Variants in ST6GAL1 observed in about 807,000 individuals in gnomAD.
The protein encoded by ST6GAL1 is beta-galactoside alpha-2,6-sialyltransferase 1.
Under a neutral mutation model 38.0 loss-of-function variants are expected in ST6GAL1, and 20 were observed. The ratio of observed to expected loss-of-function variants is 0.53; its 90% CI spans 0.37 to 0.77. The LOEUF (loss-of-function observed/expected upper bound fraction) is 0.77. Among genes scored for constraint, ST6GAL1 ranks in the 30% least tolerant of loss-of-function variants. ST6GAL1 has a pLI of 0.00. For synonymous variants in ST6GAL1, 196 were observed against 188.2 expected, an observed-to-expected ratio of 1.04 and a Z score of -0.34; for missense variants, 432 against 496.4, an observed-to-expected ratio of 0.87 and a Z score of 1.23.
chr3:187,072,619 C>T, intron 5 of ST6GAL1: 1 of 481,066 alleles, frequency 2.1e-6, no homozygotes, highest in Non-Finnish European at 3.9e-6. Context: ...CTGGATGGAA[C>T]CCTTTCTATT....
At position 187,042,926 on chromosome 3, in the gene ST6GAL1, C is replaced by T. The variant is rs151284888; in HGVS notation, c.223C>T (p.Arg75Cys). The T allele has an allele frequency of 3.0e-5, 49 of 1,614,174 alleles. No homozygotes were observed. Among genetic ancestry groups the T allele is most frequent in the Middle Eastern group, 1.6e-4 (1 of 6,062 alleles). Residue 75 changes from arginine to cysteine, a missense_variant, in exon 4 of 8, where the codon CGC (arginine) becomes TGC (cysteine). Coordinates refer to ENST00000169298, the MANE Select transcript of ST6GAL1 (RefSeq NM_173216.2). The part of the protein sequence containing the change: ...SSSTQDPHRG[R>C]QTLGSLRGLA... ...CAGCACCCAGGACCCCCACAGGGGCCGCCAGACCCTCGGCAGTCTCAGAGG... is the reference window on the plus strand; with the variant it reads ...CAGCACCCAGGACCCCCACAGGGGCTGCCAGACCCTCGGCAGTCTCAGAGG...
intron 2 of ST6GAL1, among the ~76,000 whole-genome samples, chr3:187,026,347 T>A (rs1416552707): frequency 6.6e-6 from 1 of 152,198 alleles, no homozygotes; most frequent in Non-Finnish European, 1.5e-5. Context: ...AAGCACATGG[T>A]GATAACAGTG....
intron 1 of ST6GAL1, among the ~76,000 whole-genome samples, chr3:186,956,583 C>T (rs1236652886): frequency 1.3e-5 from 2 of 152,226 alleles, no homozygotes; most frequent in Non-Finnish European, 2.9e-5. Context: ...TTCTGTCACA[C>T]AGTGCTGGAT....
intron 2 of ST6GAL1, among the ~76,000 whole-genome samples, chr3:187,029,251 A>G (rs913278440): frequency 6.6e-6 from 1 of 152,164 alleles, no homozygotes; most frequent in Non-Finnish European, 1.5e-5. Flanking sequence ...TAAGAGCAGC[A>G]GCGTGTCTAT....
At chr3:187,009,001 G>T (rs1716871776) in intron 2 of ST6GAL1, among the ~76,000 whole-genome samples, 1 of 151,826 alleles carries the variant, frequency 6.6e-6, no homozygotes, top group African/African-American at 2.4e-5. Flanking sequence ...ATTCTTTTTT[G>T]GAGATAGAAT....
At chr3:186,987,165 A>G (rs891076582) in intron 2 of ST6GAL1, among the ~76,000 whole-genome samples, 7 of 127,234 alleles carry the variant, frequency 5.5e-5, no homozygotes, top group African/African-American at 2.9e-5. Context: ...AGGGAGGAAG[A>G]AAGAGAAAGA....
chr3:186,955,415 A>G (rs1358317739), intron 1 of ST6GAL1, among the ~76,000 whole-genome samples: 1 of 152,068 alleles, frequency 6.6e-6, no homozygotes, highest in African/African-American at 2.4e-5. Flanking sequence ...TCTATTAATT[A>G]TTTTGGGTGG....
intron 1 of ST6GAL1, among the ~76,000 whole-genome samples, chr3:186,962,023 C>T (rs1714952339): frequency 6.6e-6 from 1 of 152,206 alleles, no homozygotes; most frequent in East Asian, 1.9e-4. Flanking sequence ...ACCCTGGCTC[C>T]TGGTGTTTTG....
chr3:187,042,384 G>A (rs1718154760), intron 3 of ST6GAL1, among the ~76,000 whole-genome samples: 1 of 152,084 alleles, frequency 6.6e-6, no homozygotes, highest in Non-Finnish European at 1.5e-5. Flanking sequence ...AGTAATGATG[G>A]GAGGACATAT....
At chr3:187,039,486 A>G (rs1353404125) in intron 3 of ST6GAL1, among the ~76,000 whole-genome samples, 1 of 152,182 alleles carries the variant, frequency 6.6e-6, no homozygotes, top group African/African-American at 2.4e-5. Flanking sequence ...AAAGGGGAGC[A>G]GGGATAGTGC....
chr3:187,031,330 C>A (rs1717742567), intron 2 of ST6GAL1, among the ~76,000 whole-genome samples: 2 of 152,090 alleles, frequency 1.3e-5, no homozygotes, highest in African/African-American at 4.8e-5. Context: ...TTAATCTGGG[C>A]AAATTATTTA....
chr3:187,022,362 G>A (rs1717351181), intron 2 of ST6GAL1, among the ~76,000 whole-genome samples: 1 of 152,240 alleles, frequency 6.6e-6, no homozygotes. Flanking sequence ...GGACTTGGGG[G>A]GTAGAGGGTT....
intron 5 of ST6GAL1, among the ~76,000 whole-genome samples, chr3:187,060,538 T>C (rs1718878472): frequency 6.6e-6 from 1 of 152,196 alleles, no homozygotes; most frequent in Admixed American, 6.5e-5. Context: ...GCAGAGGGGC[T>C]GCAGTAGATG....
At chr3:186,992,876 T>C (rs1000894938) in intron 2 of ST6GAL1, among the ~76,000 whole-genome samples, 18 of 152,190 alleles carry the variant, frequency 1.2e-4, no homozygotes, top group Admixed American at 9.8e-4. Flanking sequence ...GCCCCTAAGG[T>C]GCTCACAGTC....
chr3:187,072,119 T>C (rs1649195187), intron 5 of ST6GAL1: 7 of 152,276 alleles, frequency 4.6e-5, no homozygotes, highest in Admixed American at 4.6e-4. Flanking sequence ...CAGGTATAAC[T>C]ACCCATGTGC....
At chr3:187,040,656 C>T (rs573259306) in intron 3 of ST6GAL1, among the ~76,000 whole-genome samples, 2 of 152,300 alleles carry the variant, frequency 1.3e-5, no homozygotes, top group South Asian at 4.1e-4. Flanking sequence ...ATGCTACTTT[C>T]CTTCTTTTCT....
At chr3:187,026,641 A>C (rs1488639244) in intron 2 of ST6GAL1, among the ~76,000 whole-genome samples, 1 of 152,218 alleles carries the variant, frequency 6.6e-6, no homozygotes, top group Non-Finnish European at 1.5e-5. Flanking sequence ...GCTTTTTGAG[A>C]CTAGAGCCTG....
At chr3:186,969,797 C>T (rs993353312) in intron 2 of ST6GAL1, among the ~76,000 whole-genome samples, 6 of 152,048 alleles carry the variant, frequency 3.9e-5, no homozygotes, top group Non-Finnish European at 8.8e-5. Context: ...GTTATCTAGG[C>T]GAGGGAAGGG....
intron 1 of ST6GAL1, among the ~76,000 whole-genome samples, chr3:186,940,585 T>G (rs1714132447): frequency 6.6e-6 from 1 of 152,130 alleles, no homozygotes; most frequent in African/African-American, 2.4e-5. Context: ...AAATTATGCG[T>G]TTTTTTGTGT....
Sources: allele counts gnomAD v4.1 joint callset (sites outside exome capture counted in the v4.1 genomes callset), GRCh38; gene constraint gnomAD v4.1.1; transcripts MANE v1.5; gene names NCBI Gene and HGNC (gene_info 2026-07-23, HGNC 2026-07-21).